Variants in IL1RAPL1 observed in about 807,000 individuals in gnomAD.
IL1RAPL1 encodes the protein interleukin 1 receptor accessory protein like 1, also known as interleukin-1 receptor accessory protein-like 1.
In IL1RAPL1, 3 loss-of-function variants were observed where a neutral mutation model predicts 48.4. The ratio of observed to expected loss-of-function variants is 0.06; its 90% CI spans 0.03 to 0.16. The LOEUF is 0.16. Among genes scored for constraint, IL1RAPL1 ranks in the 10% least tolerant of loss-of-function variants. IL1RAPL1 has a pLI of 1.00. For missense variants in IL1RAPL1, 349 were observed against 530.6 expected (o/e 0.66, Z 3.36); for synonymous variants, 185 against 187.7 (o/e 0.99, Z 0.12).
At chrX:29,200,030 T>C (rs759311123) in intron 2 of IL1RAPL1, among the ~76,000 whole-genome samples, 10 of 111,745 alleles carry the variant, frequency 8.9e-5, no homozygotes, top group African/African-American at 3.2e-4. Flanking sequence ...GTTCAGGATA[T>C]ACCCATGGCT....
At chrX:29,036,951 A>C (rs1926744634) in intron 2 of IL1RAPL1, among the ~76,000 whole-genome samples, 1 of 111,933 alleles carries the variant, frequency 8.9e-6, no homozygotes, top group Admixed American at 9.5e-5. Context: ...TCGAAACATA[A>C]TTTTGAAAGT....
chrX:28,818,865 C>T (rs916756854), intron 2 of IL1RAPL1, among the ~76,000 whole-genome samples: 8 of 110,992 alleles, frequency 7.2e-5, no homozygotes, highest in African/African-American at 9.8e-5. Flanking sequence ...ACTCTAGTTT[C>T]TCTAGTACTA....
chrX:29,329,197 T>C (rs141602875), intron 3 of IL1RAPL1, among the ~76,000 whole-genome samples: 5 of 111,328 alleles, frequency 4.5e-5, no homozygotes, highest in Admixed American at 9.6e-5. Context: ...ACACAAATGA[T>C]ACAGAGAAAC....
chrX:29,382,267 G>A (rs1165869808), intron 3 of IL1RAPL1, among the ~76,000 whole-genome samples: 1 of 111,848 alleles, frequency 8.9e-6, no homozygotes, highest in African/African-American at 3.3e-5. Context: ...ATACATACAT[G>A]TTCTCTATTT....
intron 2 of IL1RAPL1, among the ~76,000 whole-genome samples, chrX:29,141,078 A>G (rs1929234101): frequency 1.8e-5 from 2 of 111,207 alleles, no homozygotes; most frequent in African/African-American, 6.5e-5. Context: ...CATAAATTCA[A>G]TTATTATTCT....
chrX:29,269,899 C>G (rs1372541059), intron 2 of IL1RAPL1, among the ~76,000 whole-genome samples: 1 of 110,520 alleles, frequency 9.0e-6, no homozygotes, highest in African/African-American at 3.3e-5. Flanking sequence ...CTAAAAGTTT[C>G]CTCATGGCCT....
intron 2 of IL1RAPL1, among the ~76,000 whole-genome samples, chrX:29,180,786 A>G (rs766735595): frequency 8.9e-6 from 1 of 111,905 alleles, no homozygotes; most frequent in South Asian, 3.7e-4. Context: ...CCTAATCCAA[A>G]CATAATTCCT....
intron 1 of IL1RAPL1, among the ~76,000 whole-genome samples, chrX:28,656,638 G>C (rs1934749881): frequency 9.0e-6 from 1 of 111,550 alleles, no homozygotes; most frequent in Non-Finnish European, 1.9e-5. Flanking sequence ...ATCTCAGAGA[G>C]GCCTTCGGTG....
intron 2 of IL1RAPL1, among the ~76,000 whole-genome samples, chrX:28,825,652 T>C (rs1340001276): frequency 1.8e-5 from 2 of 111,359 alleles, no homozygotes; most frequent in Admixed American, 1.9e-4. Context: ...CCTGCATATT[T>C]GAGAATCTTT....
At chrX:29,069,925 A>G (rs1185477990) in intron 2 of IL1RAPL1, among the ~76,000 whole-genome samples, 1 of 111,372 alleles carries the variant, frequency 9.0e-6, no homozygotes. Context: ...AAATTATATT[A>G]GAGATAATAG....
intron 2 of IL1RAPL1, among the ~76,000 whole-genome samples, chrX:29,103,682 A>G (rs1284714569): frequency 9.0e-6 from 1 of 111,606 alleles, no homozygotes; most frequent in Non-Finnish European, 1.9e-5. Context: ...AAGAGAAGAC[A>G]CAGCCCCAAG....
chrX:28,758,216 G>T (rs931111831), intron 1 of IL1RAPL1, among the ~76,000 whole-genome samples: 2 of 112,035 alleles, frequency 1.8e-5, no homozygotes, highest in South Asian at 7.4e-4. Context: ...GAGGCCCAGT[G>T]AGGAAGCTAA....
At chrX:29,755,762 A>G (rs761324585) in intron 6 of IL1RAPL1, among the ~76,000 whole-genome samples, 8 of 112,689 alleles carry the variant, frequency 7.1e-5, no homozygotes, top group Non-Finnish European at 1.5e-4. Flanking sequence ...TGAATGTATC[A>G]TTTACTTTAG....
At chrX:28,737,585 A>G (rs1269234078) in intron 1 of IL1RAPL1, among the ~76,000 whole-genome samples, 10 of 111,622 alleles carry the variant, frequency 9.0e-5, no homozygotes, top group African/African-American at 3.3e-4. Flanking sequence ...AAGTCCTTTC[A>G]TTTCTCTAAA....
chrX:29,486,418 A>G (rs1935095693), intron 5 of IL1RAPL1, among the ~76,000 whole-genome samples: 1 of 110,006 alleles, frequency 9.1e-6, no homozygotes, highest in South Asian at 4.0e-4. Flanking sequence ...TGCCCAAAGG[A>G]CTAATCTAAA....
intron 3 of IL1RAPL1, among the ~76,000 whole-genome samples, chrX:29,284,051 A>T (rs1281271993): frequency 8.9e-6 from 1 of 112,696 alleles, no homozygotes; most frequent in Non-Finnish European, 1.9e-5. Context: ...GGTGTGTTTA[A>T]ATCTATTTAT....
intron 2 of IL1RAPL1, among the ~76,000 whole-genome samples, chrX:29,151,677 T>G (rs772809798): frequency 8.9e-6 from 1 of 112,021 alleles, no homozygotes; most frequent in Non-Finnish European, 1.9e-5. Context: ...CTTGGAGTTA[T>G]TCTAACTGAG....
In IL1RAPL1 at chrX:29,596,155, G is replaced by A. The variant is rs777975115; in HGVS notation, c.704-72275G>A. 7.2e-5 allele frequency among the ~76,000 whole-genome samples: 8 copies of A among 111,458 alleles called. No individual in the cohort carries two copies. In the East Asian group the frequency reaches 1.7e-3, roughly 24 times the overall value. On this transcript the variant is annotated intron_variant, in intron 5 of 10. Coordinates refer to ENST00000378993, the MANE Select transcript of IL1RAPL1 (RefSeq NM_014271.4). Reference sequence around the variant, plus strand: ...TGGCCTTATAGTATAGTTTGAAATCGGGTAGTGTGATGCCTCCAGATTTGT... The same window carrying A: ...TGGCCTTATAGTATAGTTTGAAATCAGGTAGTGTGATGCCTCCAGATTTGT...
intron 2 of IL1RAPL1, among the ~76,000 whole-genome samples, chrX:29,245,761 C>G (rs963532435): frequency 9.0e-6 from 1 of 111,662 alleles, no homozygotes; most frequent in East Asian, 2.8e-4. Flanking sequence ...TTTTGCTGTG[C>G]AGAAGCTTTT....
Sources: gnomAD v4.1 joint callset for allele counts (sites outside exome capture counted in the v4.1 genomes callset) on GRCh38, gnomAD v4.1.1 for gene constraint, MANE v1.5 for transcripts, NCBI Gene and HGNC (gene_info 2026-07-23, HGNC 2026-07-21) for gene names.